TNR: variants seen among roughly 807,000 people sequenced by gnomAD.
TNR encodes the protein tenascin-R.
In TNR, 45 loss-of-function variants were observed where a neutral mutation model predicts 150.4. That is an observed-to-expected ratio of 0.30 (90% CI 0.24 to 0.38). The LOEUF is 0.38. TNR is among the 10% of genes least tolerant of loss of function. The probability of loss-of-function intolerance (pLI) is 1.00; values close to 1 mark genes in which losing one functional copy is unlikely to be tolerated. For synonymous variants in TNR, 687 were observed against 678.4 expected, an observed-to-expected ratio of 1.01 and a Z score of -0.20; for missense variants, 1,544 against 1,759.1, an observed-to-expected ratio of 0.88 and a Z score of 2.19.
At chr1:175,711,488 C>T (rs1667012862) in intron 1 of TNR, among the ~76,000 whole-genome samples, 1 of 152,168 alleles carries the variant, frequency 6.6e-6, no homozygotes, top group African/African-American at 2.4e-5. Context: ...TCAGATGGAG[C>T]AGCACCCGGA....
chr1:175,466,688 A>T (rs920402224), intron 2 of TNR, among the ~76,000 whole-genome samples: 3 of 152,202 alleles, frequency 2.0e-5, no homozygotes, highest in African/African-American at 7.2e-5. Context: ...CCTGATGCCC[A>T]GTGCTTGTCA....
chr1:175,356,429 C>T lies in TNR; in HGVS notation c.3008G>A (p.Ser1003Asn), dbSNP rs1651333464. The T allele has an allele frequency of 6.2e-7, 1 of 1,614,004 alleles. No homozygotes were observed. Among genetic ancestry groups the T allele is most frequent in the Non-Finnish European group, 8.5e-7 (1 of 1,179,916 alleles). ...CAGGTCAACAAGCCGAAATTCCTCA[C>T]TGACTCCGTCAACAAGGATGGTCTC... ...AGETILVDGVSEEFRLVDLLP... is the reference protein window; with the variant it reads ...AGETILVDGVNEEFRLVDLLP... Residue 1003 changes from serine (S) to asparagine (N), a missense_variant, in exon 16 of 23, where the codon AGT becomes AAT. Physicochemically the swap from Ser to Asn is conservative, Grantham distance 46. Coordinates refer to ENST00000367674, the MANE Select transcript of TNR (RefSeq NM_003285.3).
intron 18 of TNR, among the ~76,000 whole-genome samples, chr1:175,348,915 G>A (rs750365926): frequency 1.3e-5 from 2 of 152,210 alleles, no homozygotes; most frequent in South Asian, 4.1e-4. Context: ...GAACCCGGTG[G>A]AAAATTGACA....
At chr1:175,359,139 C>CTTTTTTTTT (rs758610631) in intron 15 of TNR, among the ~76,000 whole-genome samples, 1,187 of 42,106 alleles carry the variant, frequency 0.028, 372 homozygotes, top group Non-Finnish European at 0.036. Context: ...GGGATATCTT[C>CTTTTTTTTT]TTTTTTTTTT....
intron 2 of TNR, among the ~76,000 whole-genome samples, chr1:175,425,623 G>A (rs899685805): frequency 1.3e-5 from 2 of 152,184 alleles, no homozygotes. Context: ...TGAGAAAATG[G>A]CCTTAATTGA....
rs145770595 is a variant in TNR, at chr1:175,734,418, G to A, written c.-165+8808C>T. 2.8e-3 allele frequency among the ~76,000 whole-genome samples: 429 copies of A among 152,298 alleles called. 2 individuals carry two copies. Among genetic ancestry groups the A allele is most frequent in the Non-Finnish European group, 4.9e-3 (334 of 68,018 alleles). Reference sequence around the variant, plus strand: ...CAGAGAAGTCAATGGATTTCCCCACGTCTCCACAGCTAGTAAGTGGCAGAG... The same window carrying A: ...CAGAGAAGTCAATGGATTTCCCCACATCTCCACAGCTAGTAAGTGGCAGAG... On this transcript the variant is annotated intron_variant, in intron 1 of 22. Coordinates refer to ENST00000367674, the MANE Select transcript of TNR (RefSeq NM_003285.3).
intron 2 of TNR, among the ~76,000 whole-genome samples, chr1:175,447,523 G>T (rs1656109472): frequency 6.6e-6 from 1 of 152,008 alleles, no homozygotes; most frequent in African/African-American, 2.4e-5. Flanking sequence ...TCAAACTTTT[G>T]GAACTTAGGA....
At chr1:175,580,069 A>G (rs1662291374) in intron 1 of TNR, among the ~76,000 whole-genome samples, 1 of 152,174 alleles carries the variant, frequency 6.6e-6, no homozygotes, top group Non-Finnish European at 1.5e-5. Context: ...ACTACCTGAC[A>G]TCTAGACATT....
At chr1:175,465,197 T>C (rs1237486337) in intron 2 of TNR, among the ~76,000 whole-genome samples, 1 of 152,216 alleles carries the variant, frequency 6.6e-6, no homozygotes, top group Non-Finnish European at 1.5e-5. Flanking sequence ...GCTCTACCAA[T>C]TACTTGCAAG....
intron 2 of TNR, among the ~76,000 whole-genome samples, chr1:175,512,192 G>A (rs78322755): frequency 6.6e-6 from 1 of 152,190 alleles, no homozygotes; most frequent in Non-Finnish European, 1.5e-5. Context: ...TGGGGAAAGT[G>A]AGCCATTTAG....
intron 1 of TNR, among the ~76,000 whole-genome samples, chr1:175,644,823 C>T (rs1664762844): frequency 1.3e-5 from 2 of 152,238 alleles, no homozygotes; most frequent in African/African-American, 4.8e-5. Context: ...GAATCCAAGC[C>T]TTCATTGAGT....
At chr1:175,482,626 G>A (rs546137923) in intron 2 of TNR, among the ~76,000 whole-genome samples, 5 of 152,208 alleles carry the variant, frequency 3.3e-5, no homozygotes, top group South Asian at 2.1e-4. Context: ...CTGAGAAGAC[G>A]CCCTAAGAAG....
At chr1:175,600,571 G>T (rs139516986) in intron 1 of TNR, among the ~76,000 whole-genome samples, 1 of 152,204 alleles carries the variant, frequency 6.6e-6, no homozygotes, top group African/African-American at 2.4e-5. Flanking sequence ...GGGTTTGCAC[G>T]TAAAGATAGG....
At chr1:175,581,320 G>C (rs1199810202) in intron 1 of TNR, among the ~76,000 whole-genome samples, 1 of 152,200 alleles carries the variant, frequency 6.6e-6, no homozygotes, top group African/African-American at 2.4e-5. Flanking sequence ...CACACTCTTA[G>C]ACAGGGGTTC....
At chr1:175,382,159 C>T (rs1358570679) in intron 8 of TNR, among the ~76,000 whole-genome samples, 3 of 152,166 alleles carry the variant, frequency 2.0e-5, no homozygotes, top group African/African-American at 4.8e-5. Context: ...TTTTCTTCTG[C>T]CTTGTCCAGT....
chr1:175,491,609 C>T (rs1408144288), intron 2 of TNR, among the ~76,000 whole-genome samples: 1 of 141,896 alleles, frequency 7.0e-6, no homozygotes, highest in Admixed American at 7.1e-5. Context: ...GCACAAGCAT[C>T]TGTGTAATTA....
chr1:175,643,708 A>G (rs1367030002), intron 1 of TNR, among the ~76,000 whole-genome samples: 1 of 152,192 alleles, frequency 6.6e-6, no homozygotes, highest in African/African-American at 2.4e-5. Context: ...GGCAATGAAA[A>G]TCACATAGAA....
At position 175,323,136 on chromosome 1, in the gene TNR, G is replaced by A; in HGVS notation, c.*221C>T. On this transcript the variant is annotated 3_prime_UTR_variant, in exon 23 of 23. Coordinates refer to ENST00000367674, the MANE Select transcript of TNR (RefSeq NM_003285.3). ...TGGTGGGAAAGGAGGTGAAGGTTGA[G>A]GAGGCCTGGGTAGGAGGGAGAATGG... 2.1e-6 allele frequency: 1 copy of A among 476,026 alleles called. No individual in the cohort carries two copies. The highest frequency in any genetic ancestry group is 2.0e-5 in the African/African-American group (1 of 50,358). The allele number at this position is 476,026 out of a possible 1,614,324, so 29.5% of individuals were successfully genotyped here.
intron 1 of TNR, among the ~76,000 whole-genome samples, chr1:175,714,215 C>A (rs1667093483): frequency 1.3e-5 from 2 of 152,048 alleles, no homozygotes; most frequent in Admixed American, 1.3e-4. Flanking sequence ...TCTCCTTCTA[C>A]CCATCACGCC....
Sources: allele counts gnomAD v4.1 joint callset (sites outside exome capture counted in the v4.1 genomes callset), GRCh38; gene constraint gnomAD v4.1.1; transcripts MANE v1.5; gene names NCBI Gene and HGNC (gene_info 2026-07-23, HGNC 2026-07-21).